Variants in CSGALNACT1 observed in about 807,000 individuals in gnomAD.
CSGALNACT1 encodes the protein chondroitin sulfate N-acetylgalactosaminyltransferase 1.
CSGALNACT1 carries 52 observed loss-of-function variants against 51.0 expected under a neutral mutation model. The ratio of observed to expected loss-of-function variants is 1.02; its 90% CI spans 0.82 to 1.29. The LOEUF is 1.29. Among genes scored for constraint, CSGALNACT1 ranks in the 50% most tolerant of loss-of-function variants. CSGALNACT1 has a pLI of 0.00. For missense variants in CSGALNACT1, 935 were observed against 679.2 expected, an observed-to-expected ratio of 1.38 and a Z score of -4.19; for synonymous variants, 341 against 254.4, an observed-to-expected ratio of 1.34 and a Z score of -3.24.
chr8:19,597,281 CTTTCTT>C (rs2049128681), intron 2 of CSGALNACT1, among the ~76,000 whole-genome samples: 2 of 98,224 alleles, frequency 2.0e-5, no homozygotes, highest in Non-Finnish European at 3.9e-5. Flanking sequence ...CCTCTATCTT[CTTTCTT>C]TTTTTTTTTT....
chr8:19,592,538 G>A (rs1229114049), intron 2 of CSGALNACT1, among the ~76,000 whole-genome samples: 1 of 152,188 alleles, frequency 6.6e-6, no homozygotes, highest in Admixed American at 6.5e-5. Context: ...GATCACTTGA[G>A]CCCAGGAGTT....
At chr8:19,546,445 T>C (rs879544500) in intron 3 of CSGALNACT1, among the ~76,000 whole-genome samples, 6 of 152,180 alleles carry the variant, frequency 3.9e-5, no homozygotes, top group African/African-American at 9.6e-5. Context: ...TGGACCTCAA[T>C]AGAACATTGA....
intron 1 of CSGALNACT1, among the ~76,000 whole-genome samples, chr8:19,666,809 A>AAGAGAG (rs375633259): frequency 8.8e-4 from 22 of 25,104 alleles, no homozygotes; most frequent in East Asian, 3.8e-3. Flanking sequence ...GAAAGAAAGA[A>AAGAGAG]AGAGAGAGAG....
intron 3 of CSGALNACT1, among the ~76,000 whole-genome samples, chr8:19,580,268 T>G (rs1439493680): frequency 2.0e-5 from 3 of 152,218 alleles, no homozygotes; most frequent in Non-Finnish European, 4.4e-5. Flanking sequence ...TTCCAGCCTT[T>G]GCACTCCAAA....
intron 3 of CSGALNACT1, among the ~76,000 whole-genome samples, chr8:19,512,526 T>C (rs950587498): frequency 6.6e-6 from 1 of 152,238 alleles, no homozygotes; most frequent in Non-Finnish European, 1.5e-5. Flanking sequence ...TACATAAAAA[T>C]GCTATCTCTC....
At chr8:19,566,724 G>GT (rs2041976167) in intron 3 of CSGALNACT1, among the ~76,000 whole-genome samples, 1 of 152,158 alleles carries the variant, frequency 6.6e-6, no homozygotes, top group South Asian at 2.1e-4. Context: ...CTGTAAGGGA[G>GT]TTCCCCATCT....
intron 4 of CSGALNACT1, among the ~76,000 whole-genome samples, chr8:19,492,303 C>A (rs570415338): frequency 6.6e-6 from 1 of 152,158 alleles, no homozygotes; most frequent in Non-Finnish European, 1.5e-5. Context: ...GAAGCCCTCA[C>A]GATGAAATCA....
At chr8:19,654,276 G>C (rs2058073914) in intron 1 of CSGALNACT1, among the ~76,000 whole-genome samples, 1 of 152,212 alleles carries the variant, frequency 6.6e-6, no homozygotes, top group African/African-American at 2.4e-5. Flanking sequence ...GTCATGTCCA[G>C]TTAGCATGGT....
At chr8:19,518,582 C>T (rs974899121) in intron 3 of CSGALNACT1, among the ~76,000 whole-genome samples, 2 of 152,196 alleles carry the variant, frequency 1.3e-5, no homozygotes, top group Non-Finnish European at 2.9e-5. Flanking sequence ...GCCACTCAGT[C>T]CTTTTTCTGC....
At chr8:19,706,241 T>C (rs1396949739) in intron 1 of CSGALNACT1, among the ~76,000 whole-genome samples, 2 of 152,168 alleles carry the variant, frequency 1.3e-5, no homozygotes, top group Non-Finnish European at 2.9e-5. Context: ...AGAATTCTGC[T>C]TCATGCTCTA....
intron 1 of CSGALNACT1, among the ~76,000 whole-genome samples, chr8:19,617,736 T>C (rs2053229175): frequency 6.6e-6 from 1 of 152,228 alleles, no homozygotes; most frequent in Non-Finnish European, 1.5e-5. Flanking sequence ...TTGCATTCAT[T>C]TTAATTTATA....
At chr8:19,668,863 T>C (rs1048870062) in intron 1 of CSGALNACT1, among the ~76,000 whole-genome samples, 2 of 152,188 alleles carry the variant, frequency 1.3e-5, no homozygotes, top group Admixed American at 1.3e-4. Context: ...TGCCAATTTA[T>C]TTAAAATGGG....
intron 4 of CSGALNACT1, among the ~76,000 whole-genome samples, chr8:19,477,598 A>G (rs1020124619): frequency 2.0e-5 from 3 of 152,200 alleles, no homozygotes; most frequent in African/African-American, 7.2e-5. Flanking sequence ...ACTTATTAGT[A>G]ATTATCTTAA....
intron 6 of CSGALNACT1, among the ~76,000 whole-genome samples, chr8:19,425,882 G>C (rs1327006309): frequency 6.6e-6 from 1 of 152,010 alleles, no homozygotes; most frequent in Non-Finnish European, 1.5e-5. Context: ...GGTCTTTAAG[G>C]CCCATGTCAA....
At chr8:19,523,730 C>T (rs572702900) in intron 3 of CSGALNACT1, among the ~76,000 whole-genome samples, 2 of 152,308 alleles carry the variant, frequency 1.3e-5, no homozygotes, top group East Asian at 3.9e-4. Flanking sequence ...TACCAATTAT[C>T]ACAGGAGACA....
intron 4 of CSGALNACT1, among the ~76,000 whole-genome samples, chr8:19,481,190 T>G (rs931916390): frequency 5.2e-5 from 3 of 57,942 alleles, no homozygotes; most frequent in Non-Finnish European, 8.4e-5. Context: ...CTTTCTAACT[T>G]TATTTTGCCA....
chr8:19,558,692 A>C (rs1043536757), intron 3 of CSGALNACT1, among the ~76,000 whole-genome samples: 2 of 152,194 alleles, frequency 1.3e-5, no homozygotes, highest in Non-Finnish European at 2.9e-5. Flanking sequence ...CTCAACGCTT[A>C]AACTATTAGT....
At chr8:19,587,181 G>C (rs1211908988) in intron 3 of CSGALNACT1, among the ~76,000 whole-genome samples, 1 of 152,058 alleles carries the variant, frequency 6.6e-6, no homozygotes. Flanking sequence ...CTCCTGGGAT[G>C]CTTTTCAAAA....
rs549882097 is a variant in CSGALNACT1 at position 19,711,061 on chromosome 8, C to T, written c.-297+46789G>A. On this transcript the variant is annotated intron_variant, in intron 1 of 1. Coordinates refer to the CSGALNACT1 transcript ENST00000517494. ...TCTAGAACTGTTTGGTCAACCTTTA[C>T]ATATTCATTTTTTTCTTAATTTATG... Among the ~76,000 whole-genome samples, 3 of 152,114 alleles carry T rather than the reference C, an allele frequency of 2.0e-5. No individual in the cohort carries two copies. In the East Asian group the frequency reaches 5.8e-4, roughly 29 times the overall value.
Sources: allele counts gnomAD v4.1 joint callset (sites outside exome capture counted in the v4.1 genomes callset), GRCh38; gene constraint gnomAD v4.1.1; transcripts MANE v1.5; gene names NCBI Gene and HGNC (gene_info 2026-07-23, HGNC 2026-07-21).